DDX10: variants seen among roughly 807,000 people sequenced by gnomAD.
DDX10 encodes probable ATP-dependent RNA helicase DDX10.
In DDX10, 74 loss-of-function variants were observed where a neutral mutation model predicts 104.3. The ratio of observed to expected loss-of-function variants is 0.71; its 90% CI spans 0.59 to 0.86. The LOEUF (loss-of-function observed/expected upper bound fraction) is 0.86. Ranked by LOEUF, DDX10 falls within the 40% of genes least tolerant of loss-of-function variation. The pLI is 0.00. For missense variants in DDX10, 952 were observed against 1,040.0 expected, an observed-to-expected ratio of 0.92 and a Z score of 1.16; for synonymous variants, 351 against 353.4, an observed-to-expected ratio of 0.99 and a Z score of 0.08.
At chr11:108,822,552 G>T in intron 13 of DDX10, 1 of 214,872 alleles carries the variant, frequency 4.7e-6, no homozygotes, top group South Asian at 7.6e-5. Flanking sequence ...AGAGACTATG[G>T]AGATTAGGCC....
intron 16 of DDX10, among the ~76,000 whole-genome samples, chr11:108,870,699 A>G (rs1863068670): frequency 6.6e-6 from 1 of 152,122 alleles, no homozygotes; most frequent in African/African-American, 2.4e-5. Flanking sequence ...ACCTTGATAT[A>G]TTTTTCTCCA....
intron 6 of DDX10, among the ~76,000 whole-genome samples, chr11:108,681,262 TA>T (rs1465484864): frequency 2.0e-5 from 3 of 152,164 alleles, no homozygotes; most frequent in African/African-American, 7.2e-5. Flanking sequence ...AGAAAAAAAC[TA>T]CAAAGACTTT....
chr11:108,862,983 A>C (rs1172694238), intron 16 of DDX10, among the ~76,000 whole-genome samples: 1 of 152,264 alleles, frequency 6.6e-6, no homozygotes, highest in Non-Finnish European at 1.5e-5. Flanking sequence ...ACAAAGCTTG[A>C]AAGATCATCT....
chr11:108,807,167 G>A (rs985713671), intron 13 of DDX10, among the ~76,000 whole-genome samples: 2 of 152,064 alleles, frequency 1.3e-5, no homozygotes, highest in Non-Finnish European at 2.9e-5. Context: ...GATGATGAGG[G>A]AAAGAGAGGA....
chr11:108,803,411 C>T (rs1467934319), intron 13 of DDX10, among the ~76,000 whole-genome samples: 3 of 151,758 alleles, frequency 2.0e-5, no homozygotes, highest in Non-Finnish European at 2.9e-5. Flanking sequence ...CTGACCAACA[C>T]GGAGAAACCC....
intron 13 of DDX10, among the ~76,000 whole-genome samples, chr11:108,818,928 C>G (rs1157246195): frequency 1.3e-5 from 2 of 152,132 alleles, no homozygotes; most frequent in Non-Finnish European, 2.9e-5. Context: ...AAGAAATTCT[C>G]AAAGTTTACC....
intron 13 of DDX10, among the ~76,000 whole-genome samples, chr11:108,796,315 A>G (rs917492120): frequency 3.3e-5 from 5 of 152,200 alleles, no homozygotes; most frequent in Non-Finnish European, 5.9e-5. Flanking sequence ...CGTGATGACA[A>G]AACTCTTGTG....
At chr11:108,893,607 T>TAA (rs149756501) in intron 16 of DDX10, among the ~76,000 whole-genome samples, 1 of 148,010 alleles carries the variant, frequency 6.8e-6, no homozygotes, top group African/African-American at 2.5e-5. Flanking sequence ...AAAATTACCT[T>TAA]AAAAAAAAAA....
intron 13 of DDX10, among the ~76,000 whole-genome samples, chr11:108,810,925 A>C (rs947338534): frequency 3.3e-5 from 5 of 152,110 alleles, no homozygotes; most frequent in African/African-American, 7.2e-5. Flanking sequence ...CACACCACAC[A>C]ATCACCATTC....
At chr11:108,689,796 A>G (rs2094249607) in intron 7 of DDX10, among the ~76,000 whole-genome samples, 1 of 152,218 alleles carries the variant, frequency 6.6e-6, no homozygotes, top group African/African-American at 2.4e-5. Flanking sequence ...TAGTAGATCA[A>G]TTCTAGATTT....
chr11:108,816,349 A>C (rs1253123904), intron 13 of DDX10, among the ~76,000 whole-genome samples: 1 of 152,170 alleles, frequency 6.6e-6, no homozygotes, highest in Non-Finnish European at 1.5e-5. Flanking sequence ...CTAGTTGTTT[A>C]ATATCTCTTG....
chr11:108,828,264 T>C (rs1018578325), intron 13 of DDX10, among the ~76,000 whole-genome samples: 1 of 152,176 alleles, frequency 6.6e-6, no homozygotes. Context: ...CACTGAACAG[T>C]GTACACTGTA....
chr11:108,695,559 G>A (rs575982325), intron 9 of DDX10, among the ~76,000 whole-genome samples: 39 of 152,212 alleles, frequency 2.6e-4, no homozygotes, highest in East Asian at 1.4e-3. Flanking sequence ...TCCCCTTGGC[G>A]TTTAGTTCTT....
intron 16 of DDX10, among the ~76,000 whole-genome samples, chr11:108,891,870 A>T (rs1284464241): frequency 6.6e-6 from 1 of 150,586 alleles, no homozygotes; most frequent in East Asian, 1.9e-4. Context: ...TGAAGAGCTA[A>T]CAGGGTAGTA....
intron 15 of DDX10, among the ~76,000 whole-genome samples, chr11:108,846,238 C>A (rs1169707665): frequency 1.3e-5 from 2 of 152,156 alleles, no homozygotes; most frequent in Non-Finnish European, 2.9e-5. Flanking sequence ...ATAACCATCA[C>A]TTCAAATATT....
At chr11:108,938,813 T>A (rs1184347087) in intron 17 of DDX10, among the ~76,000 whole-genome samples, 1 of 152,128 alleles carries the variant, frequency 6.6e-6, no homozygotes, top group African/African-American at 2.4e-5. Flanking sequence ...TATTTCCAGT[T>A]TTGCATCAAG....
In DDX10 at chr11:108,825,071, G is replaced by A. The variant is rs1473614384; in HGVS notation, c.1966-13375G>A. Among the ~76,000 whole-genome samples, 4 of 152,148 alleles carry A rather than the reference G, an allele frequency of 2.6e-5. No homozygotes were observed. In the East Asian group the frequency reaches 7.7e-4, roughly 29 times the overall value. ...GAAAAGAAAGTCAGATAGGGGTTGG[G>A]TGAAGAACAGAAATTTACATGTTAT... On this transcript the variant is annotated intron_variant, in intron 13 of 17. Coordinates refer to ENST00000322536, the MANE Select transcript of DDX10 (RefSeq NM_004398.4).
Position 108,762,563 on chromosome 11 carries a change from A to G in DDX10, c.1965+39101A>G, listed in dbSNP as rs1335698135. Among the ~76,000 whole-genome samples, 4 of 152,196 alleles carry G rather than the reference A, an allele frequency of 2.6e-5. No homozygotes were observed. In the East Asian group the frequency reaches 7.7e-4, roughly 29 times the overall value. ...AACATAAGTTACTAGTCAACTAGAA[A>G]TTATCTTCTAGATGAAGGGGGAACT... On this transcript the variant is annotated intron_variant, in intron 13 of 17. Coordinates refer to ENST00000322536, the MANE Select transcript of DDX10 (RefSeq NM_004398.4).
At chr11:108,873,998 C>T (rs1863117009) in intron 16 of DDX10, among the ~76,000 whole-genome samples, 1 of 152,120 alleles carries the variant, frequency 6.6e-6, no homozygotes, top group Admixed American at 6.5e-5. Context: ...CAAGTAGCTA[C>T]CTACTTGACC....
Sources: gnomAD v4.1 joint callset for allele counts (sites outside exome capture counted in the v4.1 genomes callset) on GRCh38, gnomAD v4.1.1 for gene constraint, MANE v1.5 for transcripts, NCBI Gene and HGNC (gene_info 2026-07-23, HGNC 2026-07-21) for gene names.